Variants in CDH4 observed in about 807,000 individuals in gnomAD.
CDH4 encodes cadherin 4.
A neutral mutation model predicts 86.0 loss-of-function variants in CDH4; 33 were observed. That is an observed-to-expected ratio of 0.38 (90% CI 0.29 to 0.51). CDH4 has a LOEUF of 0.51. Ranked by LOEUF, CDH4 falls within the 20% of genes least tolerant of loss-of-function variation. The probability of loss-of-function intolerance (pLI) is 0.86; values close to 1 mark genes in which losing one functional copy is unlikely to be tolerated. For synonymous variants in CDH4, 555 were observed against 549.4 expected (o/e 1.01, Z -0.14); for missense variants, 1,114 against 1,307.4 (o/e 0.85, Z 2.28).
At chr20:61,628,171 G>A (rs2086849032) in intron 2 of CDH4, among the ~76,000 whole-genome samples, 1 of 152,176 alleles carries the variant, frequency 6.6e-6, no homozygotes, top group South Asian at 2.1e-4. Flanking sequence ...AGCTATTTGT[G>A]TCTCATTCAC....
Position 61,811,051 on chromosome 20 carries a change from G to C in CDH4, c.577-33617G>C, listed in dbSNP as rs189969651. On this transcript the variant is annotated intron_variant, in intron 4 of 15. Coordinates refer to ENST00000614565, the MANE Select transcript of CDH4 (RefSeq NM_001794.5). This position sits in a 1 kb window ranked among gnomAD's most constrained non-coding sequence, Gnocchi z 4.4. ...CCTGCAAAACTAATGGCGCGGTGCT[G>C]ACTGCCGCATCCTCAGCAGCCGCGC... 1.5e-3 allele frequency among the ~76,000 whole-genome samples: 226 copies of C among 152,340 alleles called. No homozygotes were observed. Among genetic ancestry groups the C allele is most frequent in the African/African-American group, 5.1e-3 (213 of 41,574 alleles).
intron 2 of CDH4, among the ~76,000 whole-genome samples, chr20:61,423,993 ACACAG>A (rs1288832505): frequency 2.0e-5 from 3 of 152,202 alleles, no homozygotes; most frequent in Non-Finnish European, 4.4e-5. Flanking sequence ...GGGCATGTGC[ACACAG>A]CACACATATA....
chr20:61,348,461 A>G (rs1301541613), intron 2 of CDH4, among the ~76,000 whole-genome samples: 1 of 152,192 alleles, frequency 6.6e-6, no homozygotes, highest in Non-Finnish European at 1.5e-5. Flanking sequence ...GACCATATCA[A>G]TAGGAGACAA....
intron 2 of CDH4, among the ~76,000 whole-genome samples, chr20:61,636,335 C>T (rs917428009): frequency 2.0e-5 from 3 of 152,206 alleles, no homozygotes; most frequent in African/African-American, 7.2e-5. Context: ...CCTATTTAAT[C>T]TGGGAGAGTT....
chr20:61,829,070 C>T lies in CDH4; in HGVS notation c.577-15598C>T, dbSNP rs947995398. On this transcript the variant is annotated intron_variant, in intron 4 of 15. Transcript: ENST00000614565. This position sits in a 1 kb window ranked among gnomAD's most constrained non-coding sequence, Gnocchi z 4.2. ...CTGGAGGCTCTGGCAGTCATGCTCGCCCGGCCACCACTCACCTCCAGCTGT... is the reference window on the plus strand; with the variant it reads ...CTGGAGGCTCTGGCAGTCATGCTCGTCCGGCCACCACTCACCTCCAGCTGT... Among the ~76,000 whole-genome samples, 1 of 152,210 alleles carries T rather than the reference C, an allele frequency of 6.6e-6. No homozygotes were observed. The highest frequency in any genetic ancestry group is 2.4e-5 in the African/African-American group (1 of 41,442).
chr20:61,845,548 G>C (rs1187395662), intron 5 of CDH4, among the ~76,000 whole-genome samples: 1 of 152,218 alleles, frequency 6.6e-6, no homozygotes, highest in Non-Finnish European at 1.5e-5. Flanking sequence ...GTAGGTGAAG[G>C]CCTCGCCAGC....
intron 2 of CDH4, among the ~76,000 whole-genome samples, chr20:61,628,531 C>T (rs758162252): frequency 2.6e-5 from 4 of 152,222 alleles, no homozygotes; most frequent in Non-Finnish European, 4.4e-5. Context: ...AGCATGAGGC[C>T]GAGCTCCTGC....
chr20:61,508,433 G>A (rs1235832985), intron 2 of CDH4, among the ~76,000 whole-genome samples: 2 of 152,194 alleles, frequency 1.3e-5, no homozygotes, highest in Non-Finnish European at 1.5e-5. Flanking sequence ...AGACTGTTGC[G>A]GTCGGCCCTG....
rs115191073 is a variant in CDH4, at chr20:61,829,996, C to T, written c.577-14672C>T. On this transcript the variant is annotated intron_variant, in intron 4 of 15. Transcript: ENST00000614565. This position sits in a 1 kb window ranked among gnomAD's most constrained non-coding sequence, Gnocchi z 4.2. The stretch of plus-strand genomic sequence containing the variant: ...GGCAAGCCGACCCAAACTCCCATTA[C>T]ATGCTATGGAAACCCTTGCAGGCCC... Among the ~76,000 whole-genome samples the T allele has an allele frequency of 9.3e-3, 1,420 of 152,162 alleles. 23 individuals carry two copies. The highest frequency in any genetic ancestry group is 0.033 in the African/African-American group (1,354 of 41,504).
chr20:61,459,445 A>G (rs1487287020), intron 2 of CDH4, among the ~76,000 whole-genome samples: 1 of 150,780 alleles, frequency 6.6e-6, no homozygotes, highest in African/African-American at 2.4e-5. Context: ...ACGTATTGGT[A>G]TTGTGTAGGG....
intron 2 of CDH4, among the ~76,000 whole-genome samples, chr20:61,320,396 G>C (rs1321803256): frequency 6.6e-6 from 1 of 152,120 alleles, no homozygotes; most frequent in Non-Finnish European, 1.5e-5. Context: ...GGCAAGAGGA[G>C]CACCAACCAC....
chr20:61,790,835 C>A (rs775240675), intron 4 of CDH4, among the ~76,000 whole-genome samples: 1 of 150,960 alleles, frequency 6.6e-6, no homozygotes, highest in Non-Finnish European at 1.5e-5. Context: ...CACCCACCAT[C>A]CATCCATTCA....
intron 2 of CDH4, among the ~76,000 whole-genome samples, chr20:61,319,442 G>T (rs922387037): frequency 6.6e-6 from 1 of 152,096 alleles, no homozygotes; most frequent in African/African-American, 2.4e-5. Context: ...CACCTTGTGG[G>T]CTCATCAAGG....
intron 2 of CDH4, among the ~76,000 whole-genome samples, chr20:61,699,673 C>CG (rs1005480524): frequency 1.0e-3 from 153 of 152,282 alleles, no homozygotes; most frequent in African/African-American, 3.6e-3. Context: ...GTCACTGTGT[C>CG]GTTAGCGTCA....
At chr20:61,898,159 G>A (rs1264983903) in intron 8 of CDH4, among the ~76,000 whole-genome samples, 1 of 152,232 alleles carries the variant, frequency 6.6e-6, no homozygotes, top group Non-Finnish European at 1.5e-5. Context: ...CTCACCGTGG[G>A]ACGGAGCAGG....
chr20:61,889,252 T>G (rs1305389731), intron 7 of CDH4, among the ~76,000 whole-genome samples: 1 of 152,172 alleles, frequency 6.6e-6, no homozygotes, highest in Non-Finnish European at 1.5e-5. Flanking sequence ...CCTTATTGGT[T>G]GGTTGTAATC....
intron 2 of CDH4, among the ~76,000 whole-genome samples, chr20:61,298,099 G>T (rs1465408116): frequency 6.6e-6 from 1 of 152,284 alleles, no homozygotes; most frequent in Admixed American, 6.5e-5. Flanking sequence ...GGCATTCATT[G>T]GGGCAGCCTG....
intron 4 of CDH4, among the ~76,000 whole-genome samples, chr20:61,803,652 A>G (rs1041509657): frequency 7.2e-5 from 11 of 152,182 alleles, no homozygotes; most frequent in African/African-American, 2.2e-4. Flanking sequence ...GTTACTCTGC[A>G]TGGCCAGGAT....
At chr20:61,819,593 T>TTAG (rs1416186090) in intron 4 of CDH4, among the ~76,000 whole-genome samples, 1 of 152,226 alleles carries the variant, frequency 6.6e-6, no homozygotes, top group Admixed American at 6.5e-5. Flanking sequence ...TTGCCATGAT[T>TTAG]TAGTACTTGT....
Sources: gnomAD v4.1 joint callset for allele counts (sites outside exome capture counted in the v4.1 genomes callset) on GRCh38, gnomAD v4.1.1 for gene constraint, Gnocchi (gnomAD v3.1) non-coding constraint, MANE v1.5 for transcripts, NCBI Gene and HGNC (gene_info 2026-07-23, HGNC 2026-07-21) for gene names.